Variants in C15orf39 observed in about 807,000 individuals in gnomAD.
The protein encoded by C15orf39 is uncharacterized protein C15orf39.
In C15orf39, 24 loss-of-function variants were observed where a neutral mutation model predicts 53.9. That is an observed-to-expected ratio of 0.45 (90% confidence interval 0.32 to 0.63). The LOEUF (loss-of-function observed/expected upper bound fraction) is 0.63, where lower values mean the gene tolerates loss of function less well. Among genes scored for constraint, C15orf39 ranks in the 20% least tolerant of loss-of-function variants. The pLI, the probability that C15orf39 is intolerant of heterozygous loss-of-function variation, is 0.04. For synonymous variants in C15orf39, 569 were observed against 576.5 expected, an observed-to-expected ratio of 0.99 and a Z score of 0.19; for missense variants, 1,271 against 1,347.9, an observed-to-expected ratio of 0.94 and a Z score of 0.89.
chr15:75,207,123 C>G lies in C15orf39; in HGVS notation c.1075C>G (p.Leu359Val). ...CCCAGCACCCTCTCCAGGCCTCAAG[C>G]TGGAGCCGCCTCTCACTCCACGGTG... ...PLPAPSPGLKLEPPLTPRCPL... is the reference protein window; with the variant it reads ...PLPAPSPGLKVEPPLTPRCPL... Residue 359 changes from leucine to valine, a missense_variant, in exon 2 of 3, where the codon CTG (leucine) becomes GTG (valine). This residue lies in a region of C15orf39 where 994 missense variants were observed against 993.7 expected (regional missense o/e 1.00). Transcript: ENST00000394987. 3 of 1,613,602 alleles carry G rather than the reference C, an allele frequency of 1.9e-6. No individual in the cohort carries two copies. Among genetic ancestry groups the G allele is most frequent in the Non-Finnish European group, 2.5e-6 (3 of 1,179,964 alleles).
At position 75,211,078 on chromosome 15, in the gene C15orf39, T is replaced by C. The variant is rs185484443; in HGVS notation, c.3106T>C (p.Cys1036Arg). 1 of 1,601,314 alleles carries C rather than the reference T, an allele frequency of 6.2e-7. No individual in the cohort carries two copies. The highest frequency in any genetic ancestry group is 1.3e-5 in the African/African-American group (1 of 75,070). ...CTCAAGACCAGACCAGCCCTCACCC[T>C]GCCCACAGCTGCTGGACAGCCAGAG... ...KSSRPDQPSP[C>R]PQLLDSQSHH... is the part of the protein sequence containing the mutation. The change falls in exon 3 of 3, where the codon TGC becomes CGC. Residue 1036 changes from cysteine (C) to arginine (R), a missense_variant. Physicochemically the swap from Cys to Arg is radical, Grantham distance 180. Transcript: ENST00000394987.
intron 2 of C15orf39, among the ~76,000 whole-genome samples, chr15:75,210,143 A>G (rs1447713675): frequency 6.6e-6 from 1 of 152,150 alleles, no homozygotes; most frequent in African/African-American, 2.4e-5. Flanking sequence ...GGAGCTTGCA[A>G]CAATCGGGGG....
At position 75,207,921 on chromosome 15, in the gene C15orf39, G is replaced by T; in HGVS notation, c.1873G>T (p.Ala625Ser). The part of the protein sequence containing the change: ...LPGLKKIDTE[A>S]PGLPGVPVTT... ...AGGCCTGAAAAAGATAGACACAGAA[G>T]CACCAGGCTTGCCTGGGGTGCCAGT... The change falls in exon 2 of 3, where the codon GCA becomes TCA. Residue 625 changes from alanine (A) to serine (S), a missense_variant. Coordinates refer to ENST00000394987, the MANE Select transcript of C15orf39 (RefSeq NM_015492.5). 6.2e-7 allele frequency: 1 copy of T among 1,613,762 alleles called. No individual in the cohort carries two copies. Among genetic ancestry groups the T allele is most frequent in the Non-Finnish European group, 8.5e-7 (1 of 1,180,026 alleles).
intron 2 of C15orf39, chr15:75,209,482 A>G (rs2070468281): frequency 6.6e-6 from 1 of 152,220 alleles, no homozygotes; most frequent in Non-Finnish European, 1.5e-5. Context: ...CATAAGTCGC[A>G]TTGTTTTGTG....
upstream of C15orf39, chr15:75,201,849 G>A (rs951006315): frequency 5.7e-5 from 8 of 140,766 alleles, no homozygotes; most frequent in African/African-American, 2.0e-4. This position sits in a 1 kb window ranked among gnomAD's most constrained non-coding sequence, Gnocchi z 4.7. Context: ...CCCCGCCCCC[G>A]CCCCGCCCCC....
chr15:75,208,499 G>T lies in C15orf39; in HGVS notation c.2451G>T (p.Lys817Asn). 1 of 1,593,250 alleles carries T rather than the reference G, an allele frequency of 6.3e-7. No homozygotes were observed. ...DCQGVQGLLA[K>N]LLSQLQRFDR... ...AGGGTGTGCAGGGGCTGCTGGCCAA[G>T]CTGCTGTCTCAGCTGCAGCGCTTCG... The change falls in exon 2 of 3, where the codon AAG becomes AAT. Residue 817 changes from lysine to asparagine, a missense_variant. Physicochemically the swap from Lys to Asn is moderately conservative, Grantham distance 94. Transcript: ENST00000394987.
chr15:75,204,980 C>A (rs1264633565), intron 1 of C15orf39, among the ~76,000 whole-genome samples: 1 of 152,134 alleles, frequency 6.6e-6, no homozygotes, highest in Admixed American at 6.5e-5. Flanking sequence ...CTGACTCCTG[C>A]GGAGGGGGAG....
At chr15:75,208,974 C>T in intron 2 of C15orf39, 150 bp downstream of exon 2, 3 of 1,311,472 alleles carry the variant, frequency 2.3e-6, no homozygotes, top group South Asian at 1.6e-5. Context: ...GGTACCCCCA[C>T]CCCTTGACCC....
At chr15:75,198,967 T>C (rs1216622169), upstream of C15orf39, 2 of 152,074 alleles carry the variant, frequency 1.3e-5, no homozygotes, top group African/African-American at 4.8e-5. Context: ...AGAGAAGGGG[T>C]TGAAGAGTAG....
rs764340871 is a variant in C15orf39 at position 75,208,026 on chromosome 15, G to T, written c.1978G>T (p.Ala660Ser). 9 of 1,613,896 alleles carry T rather than the reference G, an allele frequency of 5.6e-6. No homozygotes were observed. The South Asian group carries it at 9.9e-5, about 18-fold the overall frequency. The change falls in exon 2 of 3, where the codon GCA (alanine) becomes TCA (serine). Residue 660 changes from alanine to serine, a missense_variant. This residue lies in a region of C15orf39 where 994 missense variants were observed against 993.7 expected (regional missense o/e 1.00). Transcript: ENST00000394987. ...CCGAAAGTTCAAGATCCTCCGTCCG[G>T]CACCTTTGCCTGCAGCCGTGGTCCC... ...MFRKFKILRP[A>S]PLPAAVVPST... is the part of the protein sequence containing the mutation.
upstream of C15orf39, among the ~76,000 whole-genome samples, chr15:75,200,176 C>T (rs1049148240): frequency 2.0e-5 from 3 of 152,208 alleles, no homozygotes; most frequent in African/African-American, 7.2e-5. Context: ...CCCAAGTCCC[C>T]CAGTGTTGCC....
chr15:75,208,353 G>A lies in C15orf39; in HGVS notation c.2305G>A (p.Gly769Arg). The change falls in exon 2 of 3, where the codon GGA becomes AGA. Residue 769 changes from glycine to arginine, a missense_variant. Transcript: ENST00000394987. Reference protein sequence around the residue: ...PGDSLEQHFTGLHASLCDAIS... With the variant: ...PGDSLEQHFTRLHASLCDAIS... ...GGACTCCCTGGAGCAGCATTTTACA[G>A]GACTACATGCGTCCCTGTGTGATGC... 6.3e-7 allele frequency: 1 copy of A among 1,587,906 alleles called. No homozygotes were observed. Among genetic ancestry groups the A allele is most frequent in the Non-Finnish European group, 8.6e-7 (1 of 1,166,866 alleles).
chr15:75,206,968 T>G lies in C15orf39; in HGVS notation c.920T>G (p.Leu307Arg), dbSNP rs757777642. 3.2e-6 allele frequency: 5 copies of G among 1,577,760 alleles called. No individual in the cohort carries two copies. The East Asian group carries it at 9.0e-5, about 28-fold the overall frequency. Residue 307 changes from leucine to arginine, a missense_variant, in exon 2 of 3, where the codon CTG (leucine) becomes CGG (arginine). Physicochemically the swap from Leu to Arg is moderately radical, Grantham distance 102. Around this residue, in one of 2 missense-constraint regions of C15orf39, gnomAD observed 994 missense variants for 993.7 expected, o/e 1.00. Transcript: ENST00000394987. ...AGCCCAGCACTCCCACTGCAGCCTCTGGGGGGCCACAAGGGGACCGGGTAC... is the reference window on the plus strand; with the variant it reads ...AGCCCAGCACTCCCACTGCAGCCTCGGGGGGGCCACAAGGGGACCGGGTAC... ...SYSPALPLQP[L>R]GGHKGTGYQA...
At chr15:75,205,183 G>A (rs911345208) in intron 1 of C15orf39, among the ~76,000 whole-genome samples, 11 of 152,260 alleles carry the variant, frequency 7.2e-5, no homozygotes, top group African/African-American at 2.7e-4. Flanking sequence ...CTGTGAATTT[G>A]TAGACAATAC....
Position 75,208,467 on chromosome 15 carries a change from G to A in C15orf39, c.2419G>A (p.Asp807Asn), listed in dbSNP as rs377492792. ...AGPWGQAAWQ[D>N]CQGVQGLLAK... is the part of the protein sequence containing the mutation. ...GCCCTGGGGCCAGGCTGCGTGGCAG[G>A]ACTGCCAGGGTGTGCAGGGGCTGCT... Residue 807 changes from aspartate to asparagine, a missense_variant, in exon 2 of 3, where the codon GAC becomes AAC. Around this residue, in one of 2 missense-constraint regions of C15orf39, gnomAD observed 277 missense variants for 354.1 expected, o/e 0.78. Transcript: ENST00000394987. 2 of 1,600,986 alleles carry A rather than the reference G, an allele frequency of 1.2e-6. No individual in the cohort carries two copies. Among genetic ancestry groups the A allele is most frequent in the Non-Finnish European group, 1.7e-6 (2 of 1,177,380 alleles).
rs760698412 is a variant in C15orf39 at position 75,208,838 on chromosome 15, A to T, written c.2776+14A>T. 8.9e-6 allele frequency: 14 copies of T among 1,577,042 alleles called. No homozygotes were observed. The highest frequency in any genetic ancestry group is 1.2e-5 in the Non-Finnish European group (14 of 1,162,608). On this transcript the variant is annotated intron_variant, in intron 2 of 2. Coordinates refer to ENST00000394987, the MANE Select transcript of C15orf39 (RefSeq NM_015492.5). Reference sequence around the variant, plus strand: ...GCCGCCAGCTGGGTGAGCATGGGGCAGCCCCAGTGGCCACCGGAGCTGTGT... The same window carrying T: ...GCCGCCAGCTGGGTGAGCATGGGGCTGCCCCAGTGGCCACCGGAGCTGTGT...
chr15:75,203,170 C>G (rs1231351087), intron 1 of C15orf39, among the ~76,000 whole-genome samples: 1 of 152,258 alleles, frequency 6.6e-6, no homozygotes, highest in Non-Finnish European at 1.5e-5. Flanking sequence ...TCTTCCTGGT[C>G]TTTGCCATCG....
chr15:75,204,508 G>GT (rs1158731229), intron 1 of C15orf39, among the ~76,000 whole-genome samples: 2 of 150,660 alleles, frequency 1.3e-5, no homozygotes, highest in South Asian at 2.1e-4. Context: ...TTTGTTTTTT[G>GT]TTTTTTGTGT....
intron 2 of C15orf39, chr15:75,209,672 C>T (rs1162099828): frequency 6.6e-6 from 1 of 152,278 alleles, no homozygotes; most frequent in Non-Finnish European, 1.5e-5. Context: ...CGTCAGTACA[C>T]CTGGCATTGC....
Sources: gnomAD v4.1 joint callset for allele counts (sites outside exome capture counted in the v4.1 genomes callset) on GRCh38, gnomAD v4.1.1 for gene constraint, gnomAD v4.1.1 regional missense constraint, Gnocchi (gnomAD v3.1) non-coding constraint, MANE v1.5 for transcripts, NCBI Gene and HGNC (gene_info 2026-07-23, HGNC 2026-07-21) for gene names.